The following UNC45B variants were observed in gnomAD, a reference collection of about 807,000 sequenced individuals.
The protein encoded by UNC45B is protein unc-45 homolog B.
Under a neutral mutation model 98.7 loss-of-function variants are expected in UNC45B, and 78 were observed. The ratio of observed to expected loss-of-function variants is 0.79; its 90% CI spans 0.66 to 0.95. UNC45B has a LOEUF of 0.95. Among genes scored for constraint, UNC45B ranks in the 40% least tolerant of loss-of-function variants. The pLI, the probability that UNC45B is intolerant of heterozygous loss-of-function variation, is 0.00. For missense variants in UNC45B, 1,225 were observed against 1,184.9 expected (o/e 1.03, Z -0.50); for synonymous variants, 462 against 480.4 (o/e 0.96, Z 0.50).
Position 35,148,245 on chromosome 17 carries a change from G to T in UNC45B, c.1-19G>T. The T allele has an allele frequency of 2.5e-6, 4 of 1,613,836 alleles. No homozygotes were observed. The highest frequency in any genetic ancestry group is 2.5e-6 in the Non-Finnish European group (3 of 1,179,870). ...TGCAGTGAGGGGCTGACCAGACAGA[G>T]CTTCTCCTGTCCCAGCAGATGGCAG... On this transcript the variant is annotated intron_variant, in intron 1 of 19. Transcript: ENST00000394570.
intron 9 of UNC45B, 60 bp from the exon 10 acceptor site, chr17:35,168,001 C>G: frequency 1.5e-6 from 2 of 1,378,266 alleles, no homozygotes; most frequent in Non-Finnish European, 1.9e-6. Flanking sequence ...GCCTCCAAAT[C>G]TCACACTCTT....
At chr17:35,154,512 C>G in intron 5 of UNC45B, 62 bp from the exon 6 acceptor site, 5 of 1,520,298 alleles carry the variant, frequency 3.3e-6, no homozygotes, top group Non-Finnish European at 3.5e-6. Context: ...GTACTTGGCC[C>G]ATGGTCCAGG....
intron 6 of UNC45B, 27 bp from the exon 7 acceptor site, chr17:35,155,269 T>G: frequency 6.2e-7 from 1 of 1,610,012 alleles, no homozygotes. Flanking sequence ...GCAAGGCAGC[T>G]GACCATGGTT....
chr17:35,180,886 A>G (rs2092269385), intron 18 of UNC45B, among the ~76,000 whole-genome samples: 1 of 152,146 alleles, frequency 6.6e-6, no homozygotes. Context: ...AGGAAAAAAT[A>G]CAAAGCTGGG....
At chr17:35,169,953 G>A (rs115738469) in intron 11 of UNC45B, 22 bp downstream of exon 11, 1 of 1,614,026 alleles carries the variant, frequency 6.2e-7, no homozygotes. Flanking sequence ...GTGTTTCCCA[G>A]GCCCTCCATC....
At chr17:35,165,257 G>C (rs977737465) in intron 9 of UNC45B, among the ~76,000 whole-genome samples, 1 of 152,204 alleles carries the variant, frequency 6.6e-6, no homozygotes. Flanking sequence ...TCAAGACTAA[G>C]ACTCATGTGG....
At chr17:35,164,364 T>C in intron 9 of UNC45B, 198 bp downstream of exon 9, 1 of 509,562 alleles carries the variant, frequency 2.0e-6, no homozygotes, top group Non-Finnish European at 3.2e-6. Context: ...TGGCTGGGGC[T>C]GCAGCCATCT....
At chr17:35,173,050 G>C (rs2092199159) in intron 13 of UNC45B, among the ~76,000 whole-genome samples, 1 of 152,060 alleles carries the variant, frequency 6.6e-6, no homozygotes. Context: ...AGGGAATCTG[G>C]AGAAGTGTCT....
intron 3 of UNC45B, 107 bp downstream of exon 3, chr17:35,149,116 C>A: frequency 7.7e-7 from 1 of 1,305,502 alleles, no homozygotes; most frequent in Non-Finnish European, 1.1e-6. Context: ...TATGGAGTGA[C>A]TTCAGAAGGG....
chr17:35,161,875 T>G (rs980478102), intron 8 of UNC45B, among the ~76,000 whole-genome samples: 1 of 152,002 alleles, frequency 6.6e-6, no homozygotes, highest in African/African-American at 2.4e-5. Context: ...TAACTAATGA[T>G]TTAATCAACC....
In UNC45B at chr17:35,156,990, C is replaced by G. The variant is rs1159573447; in HGVS notation, c.808+1526C>G. Among the ~76,000 whole-genome samples, 5 of 152,116 alleles carry G rather than the reference C, an allele frequency of 3.3e-5. No homozygotes were observed. The East Asian group carries it at 7.7e-4, about 23-fold the overall frequency. On this transcript the variant is annotated intron_variant, in intron 7 of 19. Coordinates refer to ENST00000394570, the MANE Select transcript of UNC45B (RefSeq NM_001267052.2). ...TATGCACATACAGACTCATGCTTCTCCGTGCACATCCAGGTCCTAGGCATC... is the reference window on the plus strand; with the variant it reads ...TATGCACATACAGACTCATGCTTCTGCGTGCACATCCAGGTCCTAGGCATC...
chr17:35,170,557 AG>A (rs1164185870), intron 12 of UNC45B, among the ~76,000 whole-genome samples: 41 of 140,198 alleles, frequency 2.9e-4, no homozygotes, highest in African/African-American at 1.0e-3. Context: ...AAAAAAAAGC[AG>A]GGCATCGTAG....
At chr17:35,162,794 G>A (rs931467031) in intron 8 of UNC45B, among the ~76,000 whole-genome samples, 3 of 152,132 alleles carry the variant, frequency 2.0e-5, no homozygotes, top group African/African-American at 7.2e-5. Context: ...TGTTGGCCAG[G>A]CTGGTTCCAG....
intron 14 of UNC45B, among the ~76,000 whole-genome samples, chr17:35,175,357 G>C (rs977858304): frequency 6.6e-6 from 1 of 152,162 alleles, no homozygotes; most frequent in Admixed American, 6.5e-5. Flanking sequence ...CATGATGTGG[G>C]AAGCATAAAG....
chr17:35,184,677 A>C (rs528690823), intron 19 of UNC45B, among the ~76,000 whole-genome samples: 4 of 152,222 alleles, frequency 2.6e-5, no homozygotes, highest in Non-Finnish European at 4.4e-5. Flanking sequence ...TGAGGTGCAG[A>C]AAAGCAACTA....
In UNC45B at chr17:35,148,342, A is replaced by G; in HGVS notation, c.79A>G (p.Asn27Asp). Residue 27 changes from asparagine (N) to aspartate (D), a missense_variant, in exon 2 of 20, where the codon AAT becomes GAT. Asn to Asp is a conservative substitution (Grantham distance 23). Coordinates refer to ENST00000394570, the MANE Select transcript of UNC45B (RefSeq NM_001267052.2). ...FQLQDYKAAT[N>D]SYSQALKLTK... is the part of the protein sequence containing the mutation. ...GCTCCAGGACTACAAGGCCGCCACAAATAGCTACAGCCAGGCCCTGAAGCT... is the reference window on the plus strand; with the variant it reads ...GCTCCAGGACTACAAGGCCGCCACAGATAGCTACAGCCAGGCCCTGAAGCT... 1 of 1,614,124 alleles carries G rather than the reference A, an allele frequency of 6.2e-7. No individual in the cohort carries two copies. Among genetic ancestry groups the G allele is most frequent in the Non-Finnish European group, 8.5e-7 (1 of 1,179,990 alleles).
In UNC45B at chr17:35,174,291, G is replaced by A. The variant is rs771817422; in HGVS notation, c.1880G>A (p.Gly627Asp). 4.3e-6 allele frequency: 7 copies of A among 1,614,180 alleles called. No individual in the cohort carries two copies. The Admixed American group carries it at 1.2e-4, about 27-fold the overall frequency. Residue 627 changes from glycine to aspartate, a missense_variant, in exon 14 of 20, where the codon GGT (glycine) becomes GAT (aspartate). Transcript: ENST00000394570. ...DMRVKRLLKA[G>D]VISALACMVK... ...CGGGTGAAGCGGCTTCTGAAGGCGG[G>A]TGTCATCTCTGCCCTGGCTTGCATG... is the stretch of plus-strand genomic sequence containing the variant.
In UNC45B at chr17:35,152,881, C is replaced by G; in HGVS notation, c.382-12C>G. On this transcript the variant is annotated splice_polypyrimidine_tract_variant and intron_variant, in intron 4 of 19. Transcript: ENST00000394570. ...CACCTGCCTCCTTCCCCACTCCCTC[C>G]TCTCTCCTCAGCTCCGAGTGCAGTT... is the stretch of plus-strand genomic sequence containing the variant. 1 of 1,612,792 alleles carries G rather than the reference C, an allele frequency of 6.2e-7. No homozygotes were observed. Among genetic ancestry groups the G allele is most frequent in the Non-Finnish European group, 8.5e-7 (1 of 1,178,766 alleles).
rs534055062 is a variant in UNC45B, at chr17:35,162,797, G to A, written c.980-1198G>A. On this transcript the variant is annotated intron_variant, in intron 8 of 19. Coordinates refer to ENST00000394570, the MANE Select transcript of UNC45B (RefSeq NM_001267052.2). Reference sequence around the variant, plus strand: ...GGGGTTTTGCCATGTTGGCCAGGCTGGTTCCAGGCACTTTTAATTCCCTCC... The same window carrying A: ...GGGGTTTTGCCATGTTGGCCAGGCTAGTTCCAGGCACTTTTAATTCCCTCC... Among the ~76,000 whole-genome samples, 10 of 152,164 alleles carry A rather than the reference G, an allele frequency of 6.6e-5. No homozygotes were observed. The South Asian group carries it at 2.1e-3, about 32-fold the overall frequency.
Sources: gnomAD v4.1 joint callset for allele counts (sites outside exome capture counted in the v4.1 genomes callset) on GRCh38, gnomAD v4.1.1 for gene constraint, MANE v1.5 for transcripts, NCBI Gene and HGNC (gene_info 2026-07-23, HGNC 2026-07-21) for gene names.